Variants in EEA1 observed in about 807,000 individuals in gnomAD.
EEA1 encodes the protein early endosome antigen 1, also known as early endosome antigen 1, 162kD.
In EEA1, 111 loss-of-function variants were observed where a neutral mutation model predicts 209.2. That is an observed-to-expected ratio of 0.53 (90% CI 0.45 to 0.62). EEA1 has a LOEUF of 0.62. Among genes scored for constraint, EEA1 ranks in the 20% least tolerant of loss-of-function variants. EEA1 has a pLI of 0.00. For synonymous variants in EEA1, 536 were observed against 540.6 expected (o/e 0.99, Z 0.12); for missense variants, 1,343 against 1,530.8 (o/e 0.88, Z 2.05).
At chr12:92,906,987 T>C (rs1014495677) in intron 1 of EEA1, among the ~76,000 whole-genome samples, 1 of 152,200 alleles carries the variant, frequency 6.6e-6, no homozygotes, top group African/African-American at 2.4e-5. Context: ...GCAAGCCTTA[T>C]ACTAAATGGA....
intron 6 of EEA1, 126 bp downstream of exon 6, chr12:92,853,789 A>G: frequency 1.5e-6 from 1 of 649,732 alleles, no homozygotes; most frequent in Non-Finnish European, 2.4e-6. Context: ...CATTATCTTC[A>G]CTGTTTTAGA....
Position 92,828,064 on chromosome 12 carries a change from T to A in EEA1, c.1255-3A>T. On this transcript the variant is annotated splice_region_variant and splice_polypyrimidine_tract_variant and intron_variant, in intron 11 of 28. Coordinates refer to ENST00000322349, the MANE Select transcript of EEA1 (RefSeq NM_003566.4). Reference sequence around the variant, plus strand: ...GTCTCCAGAAGTTTGCTATGTAACTTTAAAAAAAGAAAAAAAAATGTATGT... The same window carrying A: ...GTCTCCAGAAGTTTGCTATGTAACTATAAAAAAAGAAAAAAAAATGTATGT... 1.3e-6 allele frequency: 2 copies of A among 1,545,804 alleles called. No individual in the cohort carries two copies. The highest frequency in any genetic ancestry group is 1.7e-6 in the Non-Finnish European group (2 of 1,154,486).
intron 2 of EEA1, among the ~76,000 whole-genome samples, chr12:92,867,012 T>C (rs1188236668): frequency 2.6e-5 from 4 of 152,186 alleles, no homozygotes. Context: ...TTAGAAACAG[T>C]GCTCCTATAT....
rs199569991 is a variant in EEA1, at chr12:92,809,191, T to C, written c.2200-35A>G. 92 of 1,473,070 alleles carry C rather than the reference T, an allele frequency of 6.2e-5. No homozygotes were observed. In the East Asian group the frequency reaches 2.1e-3, roughly 33 times the overall value. The allele number at this position is 1,473,070 out of a possible 1,614,324, so 91.2% of individuals were successfully genotyped here. A position where few individuals can be genotyped will look rare whatever the true frequency, so the allele number is the denominator to read the frequency against. ...AAATATGATATGGCAGCCATTTTAA[T>C]ATTAGTAATTATCAATCTATTATTA... On this transcript the variant is annotated intron_variant, in intron 17 of 28. Coordinates refer to ENST00000322349, the MANE Select transcript of EEA1 (RefSeq NM_003566.4).
chr12:92,844,228 A>G (rs1353384441), intron 9 of EEA1, among the ~76,000 whole-genome samples: 1 of 152,182 alleles, frequency 6.6e-6, no homozygotes, highest in Non-Finnish European at 1.5e-5. Flanking sequence ...AAATTAACAA[A>G]ATTAGTTTTT....
At chr12:92,833,030 T>C (rs1393922096) in intron 10 of EEA1, among the ~76,000 whole-genome samples, 180 bp from the exon 11 acceptor site, 1 of 152,166 alleles carries the variant, frequency 6.6e-6, no homozygotes, top group Middle Eastern at 3.2e-3. Context: ...GTGATTTCAC[T>C]ATTGGTCCAC....
At chr12:92,908,382 A>T (rs75389906) in intron 1 of EEA1, among the ~76,000 whole-genome samples, 9,320 of 152,286 alleles carry the variant, frequency 0.061, 305 homozygotes, top group Middle Eastern at 0.11. Flanking sequence ...TAATGATTGT[A>T]CAACAACGTG....
At chr12:92,852,787 A>G (rs555429965) in intron 7 of EEA1, 125 bp downstream of exon 7, 4 of 583,552 alleles carry the variant, frequency 6.9e-6, no homozygotes, top group Admixed American at 3.1e-5. Context: ...AATTCCATTA[A>G]TCACCATTGG....
At chr12:92,802,328 G>A in intron 19 of EEA1, 76 bp downstream of exon 19, 1 of 1,331,000 alleles carries the variant, frequency 7.5e-7, no homozygotes, top group Non-Finnish European at 1.0e-6. Flanking sequence ...AGCAAACTGT[G>A]AATTAAGCAG....
At chr12:92,858,860 C>A in intron 3 of EEA1, 1 of 735,510 alleles carries the variant, frequency 1.4e-6, no homozygotes, top group South Asian at 1.4e-5. Context: ...CGGGGTGATG[C>A]TGGTTTGTAT....
chr12:92,862,121 C>T (rs1878180351), intron 3 of EEA1, among the ~76,000 whole-genome samples: 1 of 152,262 alleles, frequency 6.6e-6, no homozygotes, highest in Non-Finnish European at 1.5e-5. Context: ...TGCTCATAGT[C>T]ACATGTCATC....
intron 1 of EEA1, among the ~76,000 whole-genome samples, chr12:92,915,293 C>A (rs1348087017): frequency 6.6e-6 from 1 of 151,956 alleles, no homozygotes; most frequent in Non-Finnish European, 1.5e-5. Flanking sequence ...AAAGTGAGAC[C>A]CCGTCTCTAC....
intron 9 of EEA1, among the ~76,000 whole-genome samples, chr12:92,844,296 G>A (rs1384591692): frequency 6.6e-6 from 1 of 152,046 alleles, no homozygotes; most frequent in African/African-American, 2.4e-5. Context: ...AATGCTTTTA[G>A]GAATGGAATA....
In EEA1 at chr12:92,843,257, C is replaced by A. The variant is rs1877249926; in HGVS notation, c.799-676G>T. Among the ~76,000 whole-genome samples the A allele has an allele frequency of 2.6e-5, 4 of 152,096 alleles. No individual in the cohort carries two copies. The South Asian group carries it at 8.3e-4, about 31-fold the overall frequency. ...ACTGTAGCTCTGAGCCTCCCCGCTT[C>A]AAGCAATCCTCCCACATCAGCCTCT... On this transcript the variant is annotated intron_variant, in intron 9 of 28. Transcript: ENST00000322349.
intron 10 of EEA1, among the ~76,000 whole-genome samples, chr12:92,837,773 C>T (rs1876993743): frequency 6.6e-6 from 1 of 152,152 alleles, no homozygotes; most frequent in African/African-American, 2.4e-5. Context: ...CTTTTCCATC[C>T]ATTATATATT....
intron 9 of EEA1, among the ~76,000 whole-genome samples, chr12:92,847,906 T>C (rs1877450247): frequency 6.6e-6 from 1 of 152,136 alleles, no homozygotes; most frequent in African/African-American, 2.4e-5. Flanking sequence ...CTACTGGTGC[T>C]CAAAAGAGTA....
At chr12:92,792,313 T>A (rs967893739) in intron 21 of EEA1, among the ~76,000 whole-genome samples, 1 of 151,868 alleles carries the variant, frequency 6.6e-6, no homozygotes, top group Non-Finnish European at 1.5e-5. Flanking sequence ...AAAAAAACCT[T>A]TCAAAAAAAT....
chr12:92,898,087 C>T (rs1334001659), intron 1 of EEA1, among the ~76,000 whole-genome samples: 1 of 152,044 alleles, frequency 6.6e-6, no homozygotes, highest in African/African-American at 2.4e-5. Flanking sequence ...TGCCTATATA[C>T]TTGTATAATT....
chr12:92,877,585 G>C (rs1441060387), intron 2 of EEA1, among the ~76,000 whole-genome samples: 1 of 152,052 alleles, frequency 6.6e-6, no homozygotes, highest in Non-Finnish European at 1.5e-5. Flanking sequence ...CGGGAGTGCA[G>C]TGGTGCGATC....
Sources: allele counts gnomAD v4.1 joint callset (sites outside exome capture counted in the v4.1 genomes callset), GRCh38; gene constraint gnomAD v4.1.1; transcripts MANE v1.5; gene names NCBI Gene and HGNC (gene_info 2026-07-23, HGNC 2026-07-21).